FHIP1A: variants seen among roughly 807,000 people sequenced by gnomAD.
The protein encoded by FHIP1A is FHF complex subunit HOOK-interacting protein 1A.
FHIP1A carries 61 observed loss-of-function variants against 88.6 expected under a neutral mutation model. That is an observed-to-expected ratio of 0.69 (90% CI 0.56 to 0.85). FHIP1A has a LOEUF of 0.85. Ranked by LOEUF, FHIP1A falls within the 40% of genes least tolerant of loss-of-function variation. The pLI is 0.00. For synonymous variants in FHIP1A, 478 were observed against 496.0 expected, an observed-to-expected ratio of 0.96 and a Z score of 0.48; for missense variants, 1,154 against 1,273.5, an observed-to-expected ratio of 0.91 and a Z score of 1.43.
intron 8 of FHIP1A, among the ~76,000 whole-genome samples, chr4:151,636,905 G>A (rs1040257554): frequency 9.9e-5 from 15 of 152,088 alleles, no homozygotes; most frequent in Admixed American, 4.6e-4. Context: ...AGGACTCACC[G>A]TACCTGGTTT....
intron 2 of FHIP1A, among the ~76,000 whole-genome samples, chr4:151,477,727 T>C (rs1454078431): frequency 6.6e-6 from 1 of 152,094 alleles, no homozygotes; most frequent in African/African-American, 2.4e-5. Flanking sequence ...TTTAAACATA[T>C]GGAAAGATGC....
chr4:151,576,254 A>T (rs2063831594), intron 4 of FHIP1A, among the ~76,000 whole-genome samples: 2 of 152,260 alleles, frequency 1.3e-5, no homozygotes, highest in South Asian at 4.1e-4. Context: ...TTTTTATTTA[A>T]ATTGTTAATT....
chr4:151,604,419 C>T (rs1470480315), intron 7 of FHIP1A, among the ~76,000 whole-genome samples: 3 of 152,094 alleles, frequency 2.0e-5, no homozygotes, highest in African/African-American at 7.2e-5. Context: ...CACAGGGGTA[C>T]TAGGAGATAT....
rs762607344 is a variant in FHIP1A, at chr4:151,577,988, C to T, written c.644C>T (p.Ala215Val). 7.8e-5 allele frequency: 121 copies of T among 1,551,302 alleles called. No homozygotes were observed. Among genetic ancestry groups the T allele is most frequent in the Middle Eastern group, 1.7e-4 (1 of 5,992 alleles). Residue 215 changes from alanine (A) to valine (V), a missense_variant, in exon 5 of 14, where the codon GCT (alanine) becomes GTT (valine). By Grantham distance (64) the Ala-to-Val change is moderately conservative (BLOSUM62 0). Coordinates refer to ENST00000435205, the MANE Select transcript of FHIP1A (RefSeq NM_001109977.3). ...CGAGAGGGGTCAGTAGGCCAGCAAG[C>T]TCGGGATGCATTGCTCTTCATCATG... is the stretch of plus-strand genomic sequence containing the variant. ...IHREGSVGQQ[A>V]RDALLFIMSL...
intron 7 of FHIP1A, among the ~76,000 whole-genome samples, chr4:151,590,191 A>G (rs1441662301): frequency 6.6e-6 from 1 of 152,238 alleles, no homozygotes; most frequent in Non-Finnish European, 1.5e-5. Flanking sequence ...CAAGAGTGCT[A>G]TAGAAATTCT....
intron 1 of FHIP1A, among the ~76,000 whole-genome samples, chr4:151,432,731 A>G (rs1733640525): frequency 6.6e-6 from 1 of 152,146 alleles, no homozygotes; most frequent in Non-Finnish European, 1.5e-5. Context: ...AAACTGAGGG[A>G]TGACTAGGCA....
At position 151,533,126 on chromosome 4, in the gene FHIP1A, C is replaced by G. The variant is rs1211738726; in HGVS notation, c.-122-33012C>G. 5 of 152,194 alleles carry G rather than the reference C, an allele frequency of 3.3e-5. No homozygotes were observed. In the East Asian group the frequency reaches 5.8e-4, roughly 18 times the overall value. 9.4% of individuals were successfully genotyped at this position (152,194 alleles called of 1,614,324 possible). On this transcript the variant is annotated intron_variant, in intron 3 of 13. Transcript: ENST00000435205. ...GAGAGATCTGTACTAGCTACCCACT[C>G]TAGGGCTGGAGCATGTATATAAGGG...
At chr4:151,637,843 CTCTT>C (rs1167499005) in intron 8 of FHIP1A, among the ~76,000 whole-genome samples, 1 of 152,136 alleles carries the variant, frequency 6.6e-6, no homozygotes, top group African/African-American at 2.4e-5. Flanking sequence ...CTAAGTACAG[CTCTT>C]TCTTTACAGC....
At chr4:151,649,426 C>A in intron 10 of FHIP1A, 33 bp from the exon 11 acceptor site, 2 of 1,492,240 alleles carry the variant, frequency 1.3e-6, no homozygotes, top group Non-Finnish European at 9.0e-7. Context: ...CCCACACCTC[C>A]CTTGTTCTAA....
At position 151,547,605 on chromosome 4, in the gene FHIP1A, A is replaced by G. The variant is rs934032696; in HGVS notation, c.-122-18533A>G. 2.0e-5 allele frequency among the ~76,000 whole-genome samples: 3 copies of G among 152,144 alleles called. No homozygotes were observed. In the South Asian group the frequency reaches 6.2e-4, roughly 32 times the overall value. On this transcript the variant is annotated intron_variant, in intron 3 of 13. Coordinates refer to ENST00000435205, the MANE Select transcript of FHIP1A (RefSeq NM_001109977.3). ...ATAGTAATGGCTCACTTTTGTTAGT[A>G]TTTGCAGTGAGAAGGACTCTGTGCT...
chr4:151,445,222 C>T (rs1728547231), intron 1 of FHIP1A, among the ~76,000 whole-genome samples: 1 of 151,962 alleles, frequency 6.6e-6, no homozygotes, highest in African/African-American at 2.4e-5. Context: ...AATGAACAAC[C>T]AGGTGAAGAG....
chr4:151,652,602 A>G (rs1737069858), intron 11 of FHIP1A, among the ~76,000 whole-genome samples: 1 of 152,232 alleles, frequency 6.6e-6, no homozygotes, highest in African/African-American at 2.4e-5. Context: ...GACCCCAACA[A>G]AGAAGTGTAC....
At chr4:151,410,699 G>T (rs1414307337) in intron 1 of FHIP1A, among the ~76,000 whole-genome samples, 2 of 152,164 alleles carry the variant, frequency 1.3e-5, no homozygotes, top group Admixed American at 6.5e-5. Context: ...TCCACGTTTG[G>T]AGAACTTCAA....
intron 2 of FHIP1A, among the ~76,000 whole-genome samples, chr4:151,476,543 C>T (rs2126627310): frequency 6.6e-6 from 1 of 152,210 alleles, no homozygotes; most frequent in East Asian, 1.9e-4. Context: ...CCATCTGAGC[C>T]TAAATAGGAA....
At chr4:151,506,245 G>A (rs1730834774) in intron 3 of FHIP1A, among the ~76,000 whole-genome samples, 3 of 152,208 alleles carry the variant, frequency 2.0e-5, no homozygotes, top group East Asian at 1.9e-4. Flanking sequence ...TGGTGAGTAG[G>A]AAGAGAAGGG....
rs1737768262 is a variant in FHIP1A, at chr4:151,669,105, T to C, written c.*6351T>C. Among the ~76,000 whole-genome samples, 1 of 152,234 alleles carries C rather than the reference T, an allele frequency of 6.6e-6. No individual in the cohort carries two copies. The highest frequency in any genetic ancestry group is 2.1e-4 in the South Asian group (1 of 4,832). On this transcript the variant is annotated 3_prime_UTR_variant, in exon 14 of 14. Coordinates refer to ENST00000435205, the MANE Select transcript of FHIP1A (RefSeq NM_001109977.3). The stretch of plus-strand genomic sequence containing the variant: ...TGAGGCCCCTTTATAAGCAGAGCCA[T>C]CTTTGCGAATTTCTTGGGGTGTTAA...
chr4:151,647,973 T>C (rs1736860937), intron 10 of FHIP1A, among the ~76,000 whole-genome samples: 1 of 152,212 alleles, frequency 6.6e-6, no homozygotes, highest in Non-Finnish European at 1.5e-5. Context: ...TTGTTCATGG[T>C]TATACAGCTA....
At chr4:151,475,443 G>C (rs1301999563) in intron 2 of FHIP1A, among the ~76,000 whole-genome samples, 2 of 152,188 alleles carry the variant, frequency 1.3e-5, no homozygotes, top group Non-Finnish European at 2.9e-5. Context: ...GACAGGAAAG[G>C]CTTCTGTAAA....
At chr4:151,641,794 AT>A (rs1209870435) in intron 9 of FHIP1A, among the ~76,000 whole-genome samples, 1 of 152,242 alleles carries the variant, frequency 6.6e-6, no homozygotes, top group Non-Finnish European at 1.5e-5. Context: ...TTTAAACATT[AT>A]TTTAAGGGAC....
Sources: gnomAD v4.1 joint callset for allele counts (sites outside exome capture counted in the v4.1 genomes callset) on GRCh38, gnomAD v4.1.1 for gene constraint, MANE v1.5 for transcripts, NCBI Gene and HGNC (gene_info 2026-07-23, HGNC 2026-07-21) for gene names.